Variants in GALNT14 observed in about 807,000 individuals in gnomAD.
GALNT14 encodes UDP-GalNAc:polypeptide N-acetylgalactosaminyltransferase 14.
A neutral mutation model predicts 77.5 loss-of-function variants in GALNT14; 60 were observed. That is an observed-to-expected ratio of 0.77 (90% CI 0.63 to 0.96). GALNT14 has a LOEUF of 0.96. Among genes scored for constraint, GALNT14 ranks in the 40% least tolerant of loss-of-function variants. The pLI, the probability that GALNT14 is intolerant of heterozygous loss-of-function variation, is 0.00. For missense variants in GALNT14, 710 were observed against 731.0 expected, an observed-to-expected ratio of 0.97 and a Z score of 0.33; for synonymous variants, 280 against 281.7, an observed-to-expected ratio of 0.99 and a Z score of 0.06.
the GALNT14 span, among the ~76,000 whole-genome samples, chr2:30,895,888 T>G: frequency 6.6e-6 from 1 of 152,156 alleles, no homozygotes; most frequent in South Asian, 2.1e-4. Context: ...ATATAGCAGG[T>G]GTCTGGTAAA....
At chr2:30,921,175 C>T (rs1005495779) in intron 13 of GALNT14, among the ~76,000 whole-genome samples, 2 of 152,154 alleles carry the variant, frequency 1.3e-5, no homozygotes, top group Admixed American at 6.5e-5. Context: ...GGGCCCCTCT[C>T]GGAGGCCCAC....
intron 8 of GALNT14, among the ~76,000 whole-genome samples, chr2:30,943,195 A>T (rs1573006703): frequency 6.6e-6 from 1 of 152,304 alleles, no homozygotes; most frequent in East Asian, 1.9e-4. Context: ...AGCCCTAGCA[A>T]ACTCACACAC....
intron 1 of GALNT14, among the ~76,000 whole-genome samples, chr2:31,051,065 T>C (rs143924667): frequency 1.1e-3 from 172 of 152,150 alleles, no homozygotes; most frequent in African/African-American, 4.0e-3. Flanking sequence ...ATGGAGGCAA[T>C]GAAATGAACA....
chr2:30,950,954 C>G lies in GALNT14; in HGVS notation c.654+4664G>C, dbSNP rs180829107. Among the ~76,000 whole-genome samples, 3 of 152,206 alleles carry G rather than the reference C, an allele frequency of 2.0e-5. No homozygotes were observed. In the East Asian group the frequency reaches 5.8e-4, roughly 29 times the overall value. On this transcript the variant is annotated intron_variant, in intron 6 of 14. Coordinates refer to ENST00000349752, the MANE Select transcript of GALNT14 (RefSeq NM_024572.4). ...AGGGCTTCAGAGGTTCATTAAGTGC[C>G]CAAAGAAAGCAAGGCTCCCTTAACA...
At chr2:30,909,943 A>G (rs1332600404), downstream of GALNT14, among the ~76,000 whole-genome samples, 2 of 151,840 alleles carry the variant, frequency 1.3e-5, no homozygotes, top group Non-Finnish European at 2.9e-5. Context: ...CATCATTCTC[A>G]GTAAACTATC....
intron 1 of GALNT14, among the ~76,000 whole-genome samples, chr2:31,053,465 C>T (rs865815608): frequency 5.9e-5 from 9 of 151,974 alleles, no homozygotes; most frequent in South Asian, 2.1e-4. Flanking sequence ...CATGCCCTCC[C>T]GTCCTACACA....
intron 1 of GALNT14, among the ~76,000 whole-genome samples, chr2:31,041,651 G>A (rs1192917027): frequency 6.6e-6 from 1 of 152,150 alleles, no homozygotes; most frequent in African/African-American, 2.4e-5. Context: ...TGAACTATAG[G>A]CAAGATGATG....
intron 2 of GALNT14, among the ~76,000 whole-genome samples, chr2:30,992,017 T>C (rs983411612): frequency 9.9e-5 from 15 of 152,276 alleles, no homozygotes; most frequent in African/African-American, 3.1e-4. Context: ...GCAAAGTCAA[T>C]TTCCTGCAGC....
intron 1 of GALNT14, among the ~76,000 whole-genome samples, chr2:31,082,379 G>A (rs772149269): frequency 1.1e-4 from 17 of 152,228 alleles, no homozygotes; most frequent in Non-Finnish European, 2.4e-4. Flanking sequence ...GTGGAGGTCA[G>A]GAACAAGGCT....
intron 1 of GALNT14, among the ~76,000 whole-genome samples, chr2:31,030,096 T>C (rs948988636): frequency 9.2e-5 from 14 of 152,230 alleles, no homozygotes; most frequent in Non-Finnish European, 2.9e-5. Context: ...AGAACAGAAC[T>C]TGTGCCTTCT....
intron 3 of GALNT14, among the ~76,000 whole-genome samples, chr2:30,964,893 G>C (rs111397288): frequency 6.6e-6 from 1 of 152,138 alleles, no homozygotes; most frequent in Admixed American, 6.5e-5. Context: ...ATGCGGCGGC[G>C]GGAGAGACAG....
intron 1 of GALNT14, among the ~76,000 whole-genome samples, chr2:31,100,355 T>C (rs1401983994): frequency 6.6e-6 from 1 of 152,128 alleles, no homozygotes; most frequent in Non-Finnish European, 1.5e-5. Flanking sequence ...GAGGACTTAC[T>C]GTATTCTGTT....
intron 13 of GALNT14, among the ~76,000 whole-genome samples, chr2:30,923,476 G>A (rs930550494): frequency 3.3e-5 from 5 of 152,148 alleles, no homozygotes; most frequent in African/African-American, 1.2e-4. Context: ...TGGCAGGGAG[G>A]GGGAGATACT....
At chr2:30,970,215 G>C (rs1668264548) in intron 2 of GALNT14, among the ~76,000 whole-genome samples, 1 of 152,144 alleles carries the variant, frequency 6.6e-6, no homozygotes, top group Non-Finnish European at 1.5e-5. Flanking sequence ...AAGCAGGTAA[G>C]GGGCATTGAG....
rs1316516985 is a variant in GALNT14 at position 30,992,869 on chromosome 2, T to C, written c.268A>G (p.Asn90Asp). 6.8e-6 allele frequency: 11 copies of C among 1,614,018 alleles called. No homozygotes were observed. Among genetic ancestry groups the C allele is most frequent in the Admixed American group, 1.7e-5 (1 of 59,996 alleles). The change falls in exon 2 of 15, where the codon AAT becomes GAT. Residue 90 changes from asparagine (N) to aspartate (D), a missense_variant. Coordinates refer to ENST00000349752, the MANE Select transcript of GALNT14 (RefSeq NM_024572.4). ...NQRESERISS[N>D]RAIPDTRHLR... ...TGGCGAGTGTCCGGGATGGCCCGAT[T>C]GCTGGAGATCCGCTCACTCTCCCGC...
At chr2:31,038,082 ATATTTTTT>A (rs1269936961) in intron 1 of GALNT14, among the ~76,000 whole-genome samples, 16 of 70,152 alleles carry the variant, frequency 2.3e-4, no homozygotes, top group African/African-American at 1.0e-3. Flanking sequence ...ATATATATAT[ATATTTTTT>A]TTTTTTTTTT....
chr2:31,130,803 T>C (rs1480571975), intron 1 of GALNT14, among the ~76,000 whole-genome samples: 4 of 149,724 alleles, frequency 2.7e-5, no homozygotes, highest in African/African-American at 7.4e-5. Context: ...CCTGTGTGTG[T>C]GCCTGTGTGT....
the GALNT14 span, among the ~76,000 whole-genome samples, chr2:30,895,832 C>A: frequency 1.2e-3 from 178 of 152,104 alleles, no homozygotes; most frequent in African/African-American, 4.0e-3. Context: ...TGCTTGTTGT[C>A]CCTGAAGGCA....
intron 1 of GALNT14, among the ~76,000 whole-genome samples, chr2:31,070,133 C>A (rs2148560866): frequency 6.6e-6 from 1 of 152,276 alleles, no homozygotes; most frequent in South Asian, 2.1e-4. Flanking sequence ...AGCTCACTAC[C>A]TCATGGCAGG....
Sources: allele counts gnomAD v4.1 joint callset (sites outside exome capture counted in the v4.1 genomes callset), GRCh38; gene constraint gnomAD v4.1.1; transcripts MANE v1.5; gene names NCBI Gene and HGNC (gene_info 2026-07-23, HGNC 2026-07-21).